Variants in ABLIM1 observed in about 807,000 individuals in gnomAD.
ABLIM1 encodes the protein actin-binding LIM protein 1.
ABLIM1 carries 40 observed loss-of-function variants against 107.0 expected under a neutral mutation model. The ratio of observed to expected loss-of-function variants is 0.37; its 90% CI spans 0.29 to 0.49. The LOEUF (loss-of-function observed/expected upper bound fraction) is 0.49, where lower values mean the gene tolerates loss of function less well. Ranked by LOEUF, ABLIM1 falls within the 20% of genes least tolerant of loss-of-function variation. The pLI is 0.97. For synonymous variants in ABLIM1, 357 were observed against 357.3 expected, an observed-to-expected ratio of 1.00 and a Z score of 0.01; for missense variants, 857 against 1,008.5, an observed-to-expected ratio of 0.85 and a Z score of 2.04.
At chr10:114,709,181 G>A (rs2081489859) in intron 1 of ABLIM1, among the ~76,000 whole-genome samples, 1 of 152,134 alleles carries the variant, frequency 6.6e-6, no homozygotes, top group African/African-American at 2.4e-5. Flanking sequence ...GTCATGATAT[G>A]GAAATGCAAG....
intron 1 of ABLIM1, among the ~76,000 whole-genome samples, chr10:114,723,676 T>C (rs1390936232): frequency 6.6e-6 from 1 of 152,198 alleles, no homozygotes; most frequent in Admixed American, 6.5e-5. Context: ...ATAAATTGAG[T>C]AGAAATAATT....
intron 1 of ABLIM1, among the ~76,000 whole-genome samples, chr10:114,739,330 G>A (rs1410107714): frequency 6.6e-6 from 1 of 152,158 alleles, no homozygotes; most frequent in African/African-American, 2.4e-5. Flanking sequence ...AATAATTAGG[G>A]ACATTCTTCA....
At chr10:114,798,582 T>TA in the ABLIM1 span, among the ~76,000 whole-genome samples, 4 of 134,028 alleles carry the variant, frequency 3.0e-5, no homozygotes, top group East Asian at 2.1e-4. Flanking sequence ...TACAAAAATT[T>TA]AAAAAAAAAA....
intron 1 of ABLIM1, among the ~76,000 whole-genome samples, chr10:114,639,764 G>A (rs1017177672): frequency 6.6e-6 from 1 of 152,236 alleles, no homozygotes; most frequent in African/African-American, 2.4e-5. Flanking sequence ...TGTTTTGTAA[G>A]TGAAGTCTGA....
intron 1 of ABLIM1, among the ~76,000 whole-genome samples, chr10:114,731,988 T>C (rs1046542549): frequency 2.6e-5 from 4 of 152,300 alleles, no homozygotes; most frequent in Non-Finnish European, 4.4e-5. Flanking sequence ...ATTTAACTTT[T>C]TGAGGAACTG....
At chr10:114,613,424 C>T (rs930506221) in intron 1 of ABLIM1, among the ~76,000 whole-genome samples, 3 of 152,196 alleles carry the variant, frequency 2.0e-5, no homozygotes, top group Non-Finnish European at 1.5e-5. Flanking sequence ...AGCATTTATA[C>T]CATGGAAACT....
At chr10:114,747,932 T>C (rs2082419413) in intron 1 of ABLIM1, among the ~76,000 whole-genome samples, 1 of 152,100 alleles carries the variant, frequency 6.6e-6, no homozygotes. Context: ...CCCAGCTACT[T>C]GGGAGGCTGA....
chr10:114,496,396 G>A (rs2059670086), intron 6 of ABLIM1, among the ~76,000 whole-genome samples: 1 of 152,122 alleles, frequency 6.6e-6, no homozygotes. Flanking sequence ...AACTAACACA[G>A]GAACAGAAAA....
intron 1 of ABLIM1, among the ~76,000 whole-genome samples, chr10:114,710,755 T>C (rs2081531197): frequency 6.6e-6 from 1 of 152,174 alleles, no homozygotes; most frequent in Non-Finnish European, 1.5e-5. Context: ...CACTCCAGCC[T>C]GGGCGACAGA....
the ABLIM1 span, among the ~76,000 whole-genome samples, chr10:114,796,865 G>A: frequency 6.6e-6 from 1 of 152,154 alleles, no homozygotes; most frequent in Non-Finnish European, 1.5e-5. Flanking sequence ...TGGGACAGTT[G>A]TTCTCCTCAC....
At chr10:114,550,660 TCATA>T (rs2067954772) in intron 4 of ABLIM1, among the ~76,000 whole-genome samples, 1 of 152,148 alleles carries the variant, frequency 6.6e-6, no homozygotes, top group Non-Finnish European at 1.5e-5. Context: ...TCTTATAGTA[TCATA>T]CAGAGTAGTG....
At chr10:114,675,503 G>T (rs759784039) in intron 1 of ABLIM1, among the ~76,000 whole-genome samples, 1 of 152,142 alleles carries the variant, frequency 6.6e-6, no homozygotes, top group Non-Finnish European at 1.5e-5. Flanking sequence ...TGATTGTGAG[G>T]CCTCCTCAGC....
At chr10:114,666,214 T>G (rs1490842940) in intron 1 of ABLIM1, among the ~76,000 whole-genome samples, 23 of 152,202 alleles carry the variant, frequency 1.5e-4, no homozygotes. Context: ...TACAACATAA[T>G]TTTCTGCAGT....
intron 2 of ABLIM1, among the ~76,000 whole-genome samples, chr10:114,576,874 C>T (rs970308863): frequency 2.6e-5 from 4 of 152,208 alleles, no homozygotes; most frequent in African/African-American, 9.6e-5. Context: ...AAACTGACCA[C>T]CCTATAAATA....
intron 14 of ABLIM1, among the ~76,000 whole-genome samples, chr10:114,451,349 G>A (rs1369641136): frequency 1.3e-5 from 2 of 152,228 alleles, no homozygotes; most frequent in East Asian, 1.9e-4. Context: ...GTGAGTTGCT[G>A]TGTGACCAGT....
intron 6 of ABLIM1, among the ~76,000 whole-genome samples, chr10:114,542,319 A>C (rs1046064153): frequency 6.6e-6 from 1 of 151,928 alleles, no homozygotes; most frequent in African/African-American, 2.4e-5. Flanking sequence ...GCTGTGCAGA[A>C]AGATAGCTTG....
chr10:114,568,716 C>A (rs2071180073), intron 4 of ABLIM1, among the ~76,000 whole-genome samples: 1 of 152,158 alleles, frequency 6.6e-6, no homozygotes, highest in South Asian at 2.1e-4. Flanking sequence ...CTGACCAAAG[C>A]AGTTGCATAG....
Position 114,472,944 on chromosome 10 carries a change from T to C in ABLIM1, c.1275+33A>G, listed in dbSNP as rs200215062. 10 of 1,488,084 alleles carry C rather than the reference T, an allele frequency of 6.7e-6. 1 individual carries two copies. In the South Asian group the frequency reaches 1.1e-4, roughly 17 times the overall value. 92.2% of individuals were successfully genotyped at this position (1,488,084 alleles called of 1,614,324 possible). A position where few individuals can be genotyped will look rare whatever the true frequency, so the allele number is the denominator to read the frequency against. On this transcript the variant is annotated intron_variant, in intron 10 of 22. Transcript: ENST00000533213. ...ATGTGACAAAAGGGAAGGTAAATTG[T>C]TGTACAACTCACAACCAGTAGGAAT...
chr10:114,796,109 C>G, the ABLIM1 span, among the ~76,000 whole-genome samples: 3 of 152,186 alleles, frequency 2.0e-5, no homozygotes, highest in Non-Finnish European at 2.9e-5. Context: ...TGGCCACTAA[C>G]TAGCTTTGTG....
Sources: allele counts gnomAD v4.1 joint callset (sites outside exome capture counted in the v4.1 genomes callset), GRCh38; gene constraint gnomAD v4.1.1; transcripts MANE v1.5; gene names NCBI Gene and HGNC (gene_info 2026-07-23, HGNC 2026-07-21).